Variants in ATP8A2 observed in about 807,000 individuals in gnomAD.
ATP8A2 encodes phospholipid-transporting ATPase IB.
A neutral mutation model predicts 165.6 loss-of-function variants in ATP8A2; 100 were observed. The ratio of observed to expected loss-of-function variants is 0.60; its 90% confidence interval spans 0.51 to 0.71. The LOEUF is 0.71. ATP8A2 is among the 30% of genes least tolerant of loss of function. The pLI, the probability that ATP8A2 is intolerant of heterozygous loss-of-function variation, is 0.00. For missense variants in ATP8A2, 1,227 were observed against 1,479.5 expected, an observed-to-expected ratio of 0.83 and a Z score of 2.80; for synonymous variants, 543 against 548.8, an observed-to-expected ratio of 0.99 and a Z score of 0.15.
chr13:25,855,141 C>T (rs529513984), intron 30 of ATP8A2, among the ~76,000 whole-genome samples: 2 of 151,628 alleles, frequency 1.3e-5, no homozygotes, highest in African/African-American at 2.4e-5. Context: ...ATCCCAGCTA[C>T]TTGGGAGGCT....
intron 27 of ATP8A2, among the ~76,000 whole-genome samples, chr13:25,786,914 C>T (rs760945802): frequency 2.0e-5 from 3 of 152,200 alleles, no homozygotes; most frequent in Admixed American, 6.5e-5. Context: ...CACCACCATA[C>T]CCGGCTAATT....
intron 36 of ATP8A2, among the ~76,000 whole-genome samples, chr13:26,016,782 G>A (rs2139372034): frequency 6.6e-6 from 1 of 152,310 alleles, no homozygotes; most frequent in African/African-American, 2.4e-5. Context: ...GGTGCAGTGT[G>A]AACTAGCACT....
At position 25,452,517 on chromosome 13, in the gene ATP8A2, G is replaced by C. The variant is rs544222069; in HGVS notation, c.77-16460G>C. On this transcript the variant is annotated intron_variant, in intron 1 of 36. Coordinates refer to ENST00000381655, the MANE Select transcript of ATP8A2 (RefSeq NM_016529.6). ...TTTTCTTGAGAAAAGCACTATTAAA[G>C]ATTGATACCCCGTTTCAGGCTGTAT... 5.3e-5 allele frequency among the ~76,000 whole-genome samples: 8 copies of C among 152,140 alleles called. No homozygotes were observed. In the East Asian group the frequency reaches 1.2e-3, roughly 22 times the overall value.
chr13:25,803,285 A>G (rs569630062), intron 27 of ATP8A2, among the ~76,000 whole-genome samples: 54 of 152,294 alleles, frequency 3.5e-4, no homozygotes, highest in African/African-American at 1.2e-3. Flanking sequence ...TACAGGTCTT[A>G]AGTAAGTCAG....
chr13:25,406,491 GT>G (rs2033804834), intron 1 of ATP8A2, among the ~76,000 whole-genome samples: 1 of 152,214 alleles, frequency 6.6e-6, no homozygotes. Flanking sequence ...TGGAGGTGGA[GT>G]TGCTTTTGCT....
At chr13:25,936,468 A>G (rs1221998410) in intron 33 of ATP8A2, among the ~76,000 whole-genome samples, 1 of 152,270 alleles carries the variant, frequency 6.6e-6, no homozygotes, top group Non-Finnish European at 1.5e-5. Flanking sequence ...ATCAGGACGC[A>G]AAACAAATGT....
In ATP8A2 at chr13:25,468,830, G is replaced by C. The variant is rs556930239; in HGVS notation, c.77-147G>C. On this transcript the variant is annotated intron_variant, in intron 1 of 36. Transcript: ENST00000381655. The stretch of plus-strand genomic sequence containing the variant: ...GCGGCACAGGCGGCGGCGTCTCCAG[G>C]GGGAGCCAAGGTACGTAGGCGGCGT... The C allele has an allele frequency of 6.9e-6, 9 of 1,311,966 alleles. No homozygotes were observed. In the South Asian group the frequency reaches 1.7e-4, roughly 24 times the overall value. 81.3% of individuals were successfully genotyped at this position (1,311,966 alleles called of 1,614,324 possible). A position where few individuals can be genotyped will look rare whatever the true frequency, so the allele number is the denominator to read the frequency against.
chr13:25,591,376 A>G (rs1319624686), intron 24 of ATP8A2: 2 of 456,466 alleles, frequency 4.4e-6, no homozygotes, highest in Admixed American at 2.4e-5. Context: ...TCACAGCTGT[A>G]AGTACCTCGT....
chr13:25,696,393 TCTC>T (rs1440108374), intron 24 of ATP8A2, among the ~76,000 whole-genome samples: 2 of 152,196 alleles, frequency 1.3e-5, no homozygotes, highest in African/African-American at 2.4e-5. Flanking sequence ...GGGATTGACT[TCTC>T]CTCTCTAGCT....
intron 33 of ATP8A2, among the ~76,000 whole-genome samples, chr13:25,914,626 ATCT>A (rs1231165366): frequency 1.3e-5 from 2 of 152,108 alleles, no homozygotes; most frequent in Non-Finnish European, 2.9e-5. Flanking sequence ...TGGCCCTGTC[ATCT>A]TCTGCTCAAC....
intron 24 of ATP8A2, among the ~76,000 whole-genome samples, chr13:25,689,269 C>T (rs2042672351): frequency 1.3e-5 from 2 of 152,218 alleles, no homozygotes; most frequent in Admixed American, 1.3e-4. Context: ...ATTGTAATGA[C>T]TATACCGCTT....
intron 1 of ATP8A2, among the ~76,000 whole-genome samples, chr13:25,392,004 A>G (rs2033265234): frequency 6.6e-6 from 1 of 152,240 alleles, no homozygotes; most frequent in Non-Finnish European, 1.5e-5. Context: ...GGGCAAAGGC[A>G]GCCAATTTGT....
chr13:25,841,767 C>T (rs79450340), intron 30 of ATP8A2, among the ~76,000 whole-genome samples: 1 of 152,272 alleles, frequency 6.6e-6, no homozygotes, highest in East Asian at 1.9e-4. Flanking sequence ...TTTTGTGCTG[C>T]TATAAGAGCA....
chr13:25,735,924 A>G (rs1445131831), intron 25 of ATP8A2, among the ~76,000 whole-genome samples: 3 of 152,224 alleles, frequency 2.0e-5, no homozygotes, highest in Non-Finnish European at 4.4e-5. Flanking sequence ...AGCAACGTCT[A>G]GTCTTGCAAG....
At chr13:25,382,857 G>A (rs1488572221) in intron 1 of ATP8A2, among the ~76,000 whole-genome samples, 5 of 151,450 alleles carry the variant, frequency 3.3e-5, no homozygotes, top group Admixed American at 6.6e-5. Context: ...CCGGGTTCAC[G>A]CCATTCTCCT....
intron 2 of ATP8A2, among the ~76,000 whole-genome samples, chr13:25,486,890 T>TG (rs1566175806): frequency 6.6e-6 from 1 of 152,128 alleles, no homozygotes; most frequent in African/African-American, 2.4e-5. Flanking sequence ...CGCTTGAGCC[T>TG]GGGGGGTGGA....
At chr13:25,904,434 G>A (rs1280899528) in intron 33 of ATP8A2, among the ~76,000 whole-genome samples, 1 of 152,172 alleles carries the variant, frequency 6.6e-6, no homozygotes, top group African/African-American at 2.4e-5. Context: ...GACTCAAAGT[G>A]ACAGTCACAA....
At position 25,553,799 on chromosome 13, in the gene ATP8A2, C is replaced by G; in HGVS notation, c.1064C>G (p.Thr355Ser). ...CTCTGGTTTCCTTCCACAGACACCA[C>G]CTCAGATAATTTTGGATACAACCTA... ...KNWYIKKMDT[T>S]SDNFGYNLLT... The change falls in exon 12 of 37, where the codon ACC (threonine) becomes AGC (serine). Residue 355 changes from threonine to serine, a missense_variant. Coordinates refer to ENST00000381655, the MANE Select transcript of ATP8A2 (RefSeq NM_016529.6). The G allele has an allele frequency of 6.2e-7, 1 of 1,612,862 alleles. No individual in the cohort carries two copies. Among genetic ancestry groups the G allele is most frequent in the South Asian group, 1.1e-5 (1 of 90,656 alleles).
intron 2 of ATP8A2, among the ~76,000 whole-genome samples, chr13:25,483,213 G>A (rs2036257596): frequency 6.6e-6 from 1 of 152,242 alleles, no homozygotes; most frequent in Admixed American, 6.5e-5. Context: ...GGGGCTGTAA[G>A]TGGACAGAGC....
Sources: gnomAD v4.1 joint callset for allele counts (sites outside exome capture counted in the v4.1 genomes callset) on GRCh38, gnomAD v4.1.1 for gene constraint, MANE v1.5 for transcripts, NCBI Gene and HGNC (gene_info 2026-07-23, HGNC 2026-07-21) for gene names.